Variants in FBRSL1 observed in about 807,000 individuals in gnomAD.
FBRSL1 encodes the protein fibrosin like 1.
FBRSL1 carries 51 observed loss-of-function variants against 89.6 expected under a neutral mutation model. The observed-to-expected ratio is 0.57, with a 90% CI of 0.45 to 0.72. The LOEUF (loss-of-function observed/expected upper bound fraction) is 0.72, where lower values mean the gene tolerates loss of function less well. FBRSL1 is among the 30% of genes least tolerant of loss of function. FBRSL1 has a pLI of 0.00. For synonymous variants in FBRSL1, 779 were observed against 681.1 expected, an observed-to-expected ratio of 1.14 and a Z score of -2.24; for missense variants, 1,618 against 1,451.8, an observed-to-expected ratio of 1.11 and a Z score of -1.86.
chr12:132,567,945 G>A lies in FBRSL1; in HGVS notation c.691+419G>A, dbSNP rs970994848. ...GCCTGCGCGCCTCTGTGGTGCAGTG[G>A]AGGGGCCTGGATTGCTGTTCCAGGC... On this transcript the variant is annotated intron_variant, in intron 6 of 18. Coordinates refer to ENST00000680143, the MANE Select transcript of FBRSL1 (RefSeq NM_001367871.1). Among the ~76,000 whole-genome samples the A allele has an allele frequency of 7.2e-5, 11 of 152,182 alleles. No homozygotes were observed. The East Asian group carries it at 1.9e-3, about 27-fold the overall frequency.
At chr12:132,494,952 C>T (rs929225837) in intron 1 of FBRSL1, among the ~76,000 whole-genome samples, 2 of 152,230 alleles carry the variant, frequency 1.3e-5, no homozygotes, top group Non-Finnish European at 1.5e-5. Context: ...GCTTAAGAAA[C>T]CCCAGGCTAC....
At chr12:132,539,701 A>G (rs1369088904) in intron 4 of FBRSL1, among the ~76,000 whole-genome samples, 39 of 72,280 alleles carry the variant, frequency 5.4e-4, no homozygotes, top group South Asian at 2.1e-3. Flanking sequence ...TTCCAGCCCC[A>G]TGCCCACCCA....
chr12:132,553,763 G>C (rs2038391905), intron 5 of FBRSL1: 1 of 152,268 alleles, frequency 6.6e-6, no homozygotes, highest in South Asian at 2.1e-4. Context: ...TGCGAGGGGG[G>C]TCTCAGCGTC....
At chr12:132,533,577 G>A (rs576121039) in intron 4 of FBRSL1, among the ~76,000 whole-genome samples, 4 of 152,380 alleles carry the variant, frequency 2.6e-5, no homozygotes, top group Admixed American at 1.3e-4. Context: ...CCATGTCCTC[G>A]CCCCATGGTG....
At chr12:132,510,268 C>T (rs1012584308) in intron 2 of FBRSL1, 3 of 1,230,322 alleles carry the variant, frequency 2.4e-6, no homozygotes, top group African/African-American at 1.6e-5. Flanking sequence ...CCCTGCCGGC[C>T]TCTCCTGGGG....
chr12:132,523,013 G>C (rs1593332594), intron 2 of FBRSL1, among the ~76,000 whole-genome samples: 2 of 152,324 alleles, frequency 1.3e-5, no homozygotes, highest in South Asian at 2.1e-4. Flanking sequence ...CGGTTGGACG[G>C]GTGGACAGAT....
intron 1 of FBRSL1, among the ~76,000 whole-genome samples, chr12:132,494,479 C>T (rs1023246538): frequency 2.0e-5 from 3 of 152,210 alleles, no homozygotes; most frequent in African/African-American, 4.8e-5. Context: ...CTGCTTAGCC[C>T]AGTGGGCTGC....
chr12:132,564,548 T>TG (rs1205667911), intron 5 of FBRSL1, among the ~76,000 whole-genome samples: 1 of 145,338 alleles, frequency 6.9e-6, no homozygotes, highest in Non-Finnish European at 1.5e-5. Context: ...CAGGCTGGAG[T>TG]CCAGTGGTAC....
intron 4 of FBRSL1, among the ~76,000 whole-genome samples, chr12:132,528,205 G>A (rs559974249): frequency 6.6e-6 from 1 of 152,270 alleles, no homozygotes; most frequent in Non-Finnish European, 1.5e-5. Context: ...CCTGCTCACG[G>A]TTTGCCAGGG....
chr12:132,518,190 T>C (rs776139952), intron 2 of FBRSL1, among the ~76,000 whole-genome samples: 2 of 152,132 alleles, frequency 1.3e-5, no homozygotes, highest in Non-Finnish European at 2.9e-5. Flanking sequence ...TCAGCCAGCA[T>C]CCCTCATATC....
chr12:132,556,278 C>T (rs567246579), intron 5 of FBRSL1, among the ~76,000 whole-genome samples: 14 of 152,264 alleles, frequency 9.2e-5, no homozygotes, highest in African/African-American at 3.4e-4. Flanking sequence ...CTCACCTATG[C>T]ACCACAGCCT....
chr12:132,508,170 G>T lies in FBRSL1; in HGVS notation c.309G>T (p.Lys103Asn). ...CCCTGCAGAAGGATATGGCCCTGAA[G>T]CCACATGAGCGGAAGGAGAAGTGGG... Reference protein sequence around the residue: ...LEALEKDMALKPHERKEKWER... With the variant: ...LEALEKDMALNPHERKEKWER... The change falls in exon 2 of 19, where the codon AAG (lysine) becomes AAT (asparagine). Residue 103 changes from lysine to asparagine, a missense_variant. Coordinates refer to ENST00000680143, the MANE Select transcript of FBRSL1 (RefSeq NM_001367871.1). The T allele has an allele frequency of 6.4e-7, 1 of 1,551,208 alleles. No homozygotes were observed. Among genetic ancestry groups the T allele is most frequent in the Non-Finnish European group, 8.7e-7 (1 of 1,146,932 alleles).
intron 4 of FBRSL1, 36 bp from the exon 5 acceptor site, chr12:132,547,967 G>A: frequency 6.5e-7 from 1 of 1,549,306 alleles, no homozygotes; most frequent in Non-Finnish European, 8.7e-7. Context: ...CTGGTTGGTG[G>A]GGCCCCGACT....
chr12:132,574,831 G>A (rs1390601280), intron 14 of FBRSL1, among the ~76,000 whole-genome samples: 1 of 152,116 alleles, frequency 6.6e-6, no homozygotes, highest in Non-Finnish European at 1.5e-5. Flanking sequence ...CAGAGCAGGG[G>A]CACGGGGTGC....
At chr12:132,493,250 G>A (rs2031402337) in intron 1 of FBRSL1, among the ~76,000 whole-genome samples, 1 of 152,232 alleles carries the variant, frequency 6.6e-6, no homozygotes, top group African/African-American at 2.4e-5. Context: ...TGGCTCTGCC[G>A]CCTTTGCTCA....
At position 132,582,161 on chromosome 12, in the gene FBRSL1, CCTT is replaced by C; in HGVS notation, c.2098_2100del (p.Phe700del). The C allele has an allele frequency of 1.3e-6, 2 of 1,550,120 alleles. No homozygotes were observed. The highest frequency in any genetic ancestry group is 1.7e-6 in the Non-Finnish European group (2 of 1,146,836). ...AACCGACTGCACCGGGCACCGCCCT[CCTT>C]CCCGGCTCCGCCCCCGTGGCCCAAG... is the stretch of plus-strand genomic sequence containing the variant. On this transcript the variant is annotated inframe_deletion, in exon 18 of 19. Transcript: ENST00000680143.
At chr12:132,581,986 C>A (rs1186714331) in intron 17 of FBRSL1, 76 bp from the exon 18 acceptor site, 1 of 1,375,578 alleles carries the variant, frequency 7.3e-7, no homozygotes, top group South Asian at 1.4e-5. Context: ...CCTTCTAAAA[C>A]CCCTACCGGG....
rs1351606066 is a variant in FBRSL1 at position 132,546,012 on chromosome 12, A to C, written c.616-1991A>C. Among the ~76,000 whole-genome samples the C allele has an allele frequency of 6.6e-6, 1 of 152,078 alleles. No individual in the cohort carries two copies. The highest frequency in any genetic ancestry group is 1.5e-5 in the Non-Finnish European group (1 of 68,002). The stretch of plus-strand genomic sequence containing the variant: ...CCTCTCGGCCCTCCCCAGGCTCCCC[A>C]TGTGCAGAGGGCATCCTTGGCACAG... On this transcript the variant is annotated intron_variant, in intron 4 of 18. Transcript: ENST00000680143. This position sits in a 1 kb window ranked among gnomAD's most constrained non-coding sequence, Gnocchi z 4.0.
chr12:132,563,471 G>A (rs1447865628), intron 5 of FBRSL1, among the ~76,000 whole-genome samples: 1 of 151,782 alleles, frequency 6.6e-6, no homozygotes, highest in East Asian at 1.9e-4. Context: ...TTCTCATTCG[G>A]TTCTGTGGAT....
Sources: gnomAD v4.1 joint callset for allele counts (sites outside exome capture counted in the v4.1 genomes callset) on GRCh38, gnomAD v4.1.1 for gene constraint, Gnocchi (gnomAD v3.1) non-coding constraint, MANE v1.5 for transcripts, NCBI Gene and HGNC (gene_info 2026-07-23, HGNC 2026-07-21) for gene names.